PCDHA4: variants seen among roughly 807,000 people sequenced by gnomAD.
The protein encoded by PCDHA4 is protocadherin alpha-4.
A neutral mutation model predicts 61.4 loss-of-function variants in PCDHA4; 49 were observed. The ratio of observed to expected loss-of-function variants is 0.80; its 90% CI spans 0.63 to 1.01. The LOEUF is 1.01. PCDHA4 is among the 50% of genes least tolerant of loss of function. The pLI is 0.00. For synonymous variants in PCDHA4, 590 were observed against 550.3 expected (o/e 1.07, Z -1.01); for missense variants, 1,254 against 1,235.8 (o/e 1.01, Z -0.22).
intron 1 of PCDHA4, chr5:140,868,934 G>T: frequency 2.7e-6 from 3 of 1,116,548 alleles, no homozygotes; most frequent in African/African-American, 1.6e-5. Context: ...TTTAAAGGTT[G>T]GTCTGAACAG....
At chr5:140,836,542 C>T (rs2150263545) in intron 1 of PCDHA4, 1 of 1,613,772 alleles carries the variant, frequency 6.2e-7, no homozygotes, top group Non-Finnish European at 8.5e-7. Context: ...CTGTACACGG[C>T]GTTGCGGTGC....
chr5:140,882,475 AAGAC>A (rs2059154037), intron 1 of PCDHA4: 1 of 1,613,902 alleles, frequency 6.2e-7, no homozygotes, highest in Non-Finnish European at 8.5e-7. Flanking sequence ...TGGCGTCCAA[AAGAC>A]ACGGGGACCT....
intron 1 of PCDHA4, chr5:140,882,360 T>A: frequency 6.2e-7 from 1 of 1,614,134 alleles, no homozygotes. Context: ...AGTGGCCAGC[T>A]CCACTACTCC....
chr5:140,854,159 CAAAA>C (rs59855104), intron 1 of PCDHA4: 81 of 341,326 alleles, frequency 2.4e-4, no homozygotes, highest in Middle Eastern at 1.4e-3. Flanking sequence ...GATTCTGTCT[CAAAA>C]AAAAAAAAAA....
rs116357285 is a variant in PCDHA4, at chr5:140,877,275, C to T, written c.2385+67703C>T. 2.8e-4 allele frequency: 456 copies of T among 1,613,776 alleles called. 1 individual carries two copies. In the African/African-American group the frequency reaches 4.6e-3, roughly 16 times the overall value. Reference sequence around the variant, plus strand: ...AAGTGCGCGCGGTGGACGCTGACTCCGGCTATAACGCTTGGCTGTCCTACG... The same window carrying T: ...AAGTGCGCGCGGTGGACGCTGACTCTGGCTATAACGCTTGGCTGTCCTACG... On this transcript the variant is annotated intron_variant, in intron 1 of 3. Transcript: ENST00000530339.
At chr5:140,867,166 G>T (rs773226125) in intron 1 of PCDHA4, 1 of 152,006 alleles carries the variant, frequency 6.6e-6, no homozygotes, top group Non-Finnish European at 1.5e-5. Context: ...ACCTTCTAAG[G>T]TTCATTTCCC....
rs781919488 is a variant in PCDHA4 at position 141,010,129 on chromosome 5, G to T, written c.*192G>T. 1 of 1,601,910 alleles carries T rather than the reference G, an allele frequency of 6.2e-7. No individual in the cohort carries two copies. Among genetic ancestry groups the T allele is most frequent in the East Asian group, 2.2e-5 (1 of 44,578 alleles). ...TGTCGTAAAAGCTTTACTAAGTCTGGTGTTAACTCTTTCTCTCCACTCTGG... is the reference window on the plus strand; with the variant it reads ...TGTCGTAAAAGCTTTACTAAGTCTGTTGTTAACTCTTTCTCTCCACTCTGG... On this transcript the variant is annotated 3_prime_UTR_variant, in exon 4 of 4. Transcript: ENST00000530339.
Position 140,885,214 on chromosome 5 carries a change from T to A in PCDHA4, c.2385+75642T>A, listed in dbSNP as rs550824585. On this transcript the variant is annotated intron_variant, in intron 1 of 3. Coordinates refer to ENST00000530339, the MANE Select transcript of PCDHA4 (RefSeq NM_018907.4). ...CCCCTCTCATATATCCCATGAAAAATATCTTGTGATTCTGCTTTCAATTTT... is the reference window on the plus strand; with the variant it reads ...CCCCTCTCATATATCCCATGAAAAAAATCTTGTGATTCTGCTTTCAATTTT... Among the ~76,000 whole-genome samples the A allele has an allele frequency of 2.8e-3, 423 of 152,168 alleles. 2 individuals carry two copies. The highest frequency in any genetic ancestry group is 0.014 in the Middle Eastern group (4 of 294).
chr5:140,949,521 T>C (rs2094388357), intron 1 of PCDHA4, among the ~76,000 whole-genome samples: 1 of 151,932 alleles, frequency 6.6e-6, no homozygotes, highest in East Asian at 1.9e-4. Flanking sequence ...TTGATCCTTT[T>C]ATCTTCATAA....
chr5:140,836,011 C>A (rs2150250556), intron 1 of PCDHA4: 3 of 1,613,394 alleles, frequency 1.9e-6, no homozygotes, highest in Non-Finnish European at 8.5e-7. Flanking sequence ...GCGGGCGTGC[C>A]GCCTCTGGGC....
chr5:140,958,672 A>G (rs1554223601), intron 1 of PCDHA4, among the ~76,000 whole-genome samples: 1 of 152,218 alleles, frequency 6.6e-6, no homozygotes, highest in African/African-American at 2.4e-5. Context: ...AATTTTAATT[A>G]TAAAGGATAT....
intron 1 of PCDHA4, chr5:140,861,255 C>T (rs533071435): frequency 3.0e-5 from 5 of 166,616 alleles, no homozygotes; most frequent in African/African-American, 4.8e-5. Context: ...GGCCAGGAAT[C>T]CCGGAGCCTA....
chr5:140,809,046 T>A lies in PCDHA4; in HGVS notation c.1859T>A (p.Ile620Asn). The change falls in exon 1 of 4, where the codon ATC becomes AAC. Residue 620 changes from isoleucine to asparagine, a missense_variant. Ile to Asn is a moderately radical substitution (Grantham distance 149). Transcript: ENST00000530339. ...ELQPGTGGAR[I>N]PFRVGLYTGE... ...CAGCCGGGGACTGGTGGCGCGCGCA[T>A]CCCGTTCCGCGTGGGGCTGTACACT... 6.2e-7 allele frequency: 1 copy of A among 1,613,828 alleles called. No homozygotes were observed. Among genetic ancestry groups the A allele is most frequent in the Non-Finnish European group, 8.5e-7 (1 of 1,179,880 alleles).
chr5:140,835,572 T>G lies in PCDHA4; in HGVS notation c.2385+26000T>G, dbSNP rs2150238543. The G allele has an allele frequency of 3.1e-6, 5 of 1,613,896 alleles. 1 individual carries two copies. In the South Asian group the frequency reaches 5.5e-5, roughly 18 times the overall value. ...CCTGACGCCCCGCGTTCCCTTCAAG[T>G]TGGTGTCCACCTTCAAGAATTACTA... On this transcript the variant is annotated intron_variant, in intron 1 of 3. Transcript: ENST00000530339.
intron 1 of PCDHA4, chr5:140,884,562 A>C (rs782650365): frequency 6.2e-7 from 1 of 1,614,166 alleles, no homozygotes; most frequent in Non-Finnish European, 8.5e-7. Flanking sequence ...GAGGGCCCGC[A>C]TAAGACGGAC....
rs1172235906 is a variant in PCDHA4, at chr5:140,871,551, C to T, written c.2385+61979C>T. 10 of 1,494,576 alleles carry T rather than the reference C, an allele frequency of 6.7e-6. No homozygotes were observed. The Admixed American group carries it at 2.5e-4, about 38-fold the overall frequency. 92.6% of individuals were successfully genotyped at this position (1,494,576 alleles called of 1,614,324 possible). ...AGTGTATGTGAAATTATTTAAAATC[C>T]AGTTTTTTTTCACGGATTTTTTAAG... On this transcript the variant is annotated intron_variant, in intron 1 of 3. Transcript: ENST00000530339.
intron 1 of PCDHA4, among the ~76,000 whole-genome samples, chr5:140,899,424 T>A (rs1437811361): frequency 6.6e-6 from 1 of 152,206 alleles, no homozygotes; most frequent in African/African-American, 2.4e-5. Flanking sequence ...TTGTCAAAGG[T>A]CTTTTCTGCA....
chr5:140,883,905 G>C (rs781818160), intron 1 of PCDHA4: 1 of 1,613,458 alleles, frequency 6.2e-7, no homozygotes, highest in South Asian at 1.1e-5. Flanking sequence ...CCGCCTCTGG[G>C]CAGCAACGTG....
intron 1 of PCDHA4, among the ~76,000 whole-genome samples, chr5:140,936,885 T>C (rs1490428437): frequency 6.6e-6 from 1 of 152,238 alleles, no homozygotes; most frequent in Non-Finnish European, 1.5e-5. Context: ...CCTGCTTTGA[T>C]TTTAATTGGC....
Sources: gnomAD v4.1 joint callset for allele counts (sites outside exome capture counted in the v4.1 genomes callset) on GRCh38, gnomAD v4.1.1 for gene constraint, MANE v1.5 for transcripts, NCBI Gene and HGNC (gene_info 2026-07-23, HGNC 2026-07-21) for gene names.